The following SMIM36 variants were observed in gnomAD, a reference collection of about 807,000 sequenced individuals.
The protein encoded by SMIM36 is small integral membrane protein 36.
At chr17:55,496,395 T>C (rs530350303) in intron 1 of SMIM36, among the ~76,000 whole-genome samples, 1 of 152,128 alleles carries the variant, frequency 6.6e-6, no homozygotes, top group East Asian at 1.9e-4. Flanking sequence ...CAGAGAAGCC[T>C]TGAGAAAAAA....
At chr17:55,501,401 T>TTATATTCTATAATATATAATA (rs1462289068) in intron 1 of SMIM36, among the ~76,000 whole-genome samples, 17 of 18,166 alleles carry the variant, frequency 9.4e-4, no homozygotes, top group South Asian at 2.6e-3. Flanking sequence ...ATATTATATA[T>TTATATTCTATAATATATAATA]TATTATATAT....
chr17:55,494,738 T>C (rs1181340092), intron 1 of SMIM36, among the ~76,000 whole-genome samples: 2 of 152,106 alleles, frequency 1.3e-5, no homozygotes, highest in East Asian at 3.8e-4. Context: ...TATAAGTATA[T>C]ACAAATATAA....
intron 3 of SMIM36, chr17:55,477,170 A>C (rs1909439800): frequency 6.6e-6 from 1 of 152,180 alleles, no homozygotes. Flanking sequence ...ATGGAGCTAG[A>C]CTCTGTCAAA....
At chr17:55,501,401 T>TTA (rs1462289068) in intron 1 of SMIM36, among the ~76,000 whole-genome samples, 2 of 18,178 alleles carry the variant, frequency 1.1e-4, no homozygotes, top group East Asian at 2.4e-3. Context: ...ATATTATATA[T>TTA]TATTATATAT....
the SMIM36 span, among the ~76,000 whole-genome samples, chr17:55,529,066 G>T: frequency 6.6e-6 from 1 of 152,176 alleles, no homozygotes. Context: ...GATTCCTTCA[G>T]ATGTTTGTTC....
At chr17:55,524,871 T>C in the SMIM36 span, among the ~76,000 whole-genome samples, 20 of 152,352 alleles carry the variant, frequency 1.3e-4, no homozygotes, top group South Asian at 3.5e-3. Flanking sequence ...ATTGTCATCA[T>C]CATAATTCAC....
chr17:55,490,469 A>G (rs1909683092), intron 1 of SMIM36, among the ~76,000 whole-genome samples: 1 of 152,172 alleles, frequency 6.6e-6, no homozygotes, highest in Admixed American at 6.5e-5. Context: ...CTCATGTTCT[A>G]AAGAATAATT....
upstream of SMIM36, among the ~76,000 whole-genome samples, chr17:55,513,916 G>C (rs1475089496): frequency 1.3e-5 from 2 of 152,184 alleles, no homozygotes; most frequent in African/African-American, 4.8e-5. Flanking sequence ...CCATTCTGCT[G>C]ATACCCGTGG....
intron 3 of SMIM36, among the ~76,000 whole-genome samples, chr17:55,474,002 T>C (rs1174419948): frequency 6.6e-6 from 1 of 152,154 alleles, no homozygotes; most frequent in Non-Finnish European, 1.5e-5. Flanking sequence ...TGTTCTGTTC[T>C]AATTACCAGT....
intron 1 of SMIM36, among the ~76,000 whole-genome samples, chr17:55,486,029 T>C (rs1000973440): frequency 7.1e-6 from 1 of 140,122 alleles, no homozygotes; most frequent in Non-Finnish European, 1.5e-5. Context: ...CTTTTTTTTT[T>C]TTCCTTTATT....
upstream of SMIM36, among the ~76,000 whole-genome samples, chr17:55,515,394 G>A (rs868239391): frequency 7.2e-5 from 11 of 152,116 alleles, no homozygotes; most frequent in African/African-American, 2.2e-4. Context: ...CAACTTAAAA[G>A]TCTTTCTTTC....
chr17:55,495,615 C>G (rs74328307), intron 1 of SMIM36, among the ~76,000 whole-genome samples: 8 of 147,514 alleles, frequency 5.4e-5, no homozygotes, highest in African/African-American at 2.1e-4. Context: ...TAGTGAGAAC[C>G]CTGTCTCTAT....
intron 1 of SMIM36, among the ~76,000 whole-genome samples, chr17:55,505,609 A>G (rs1404158196): frequency 1.5e-5 from 1 of 68,070 alleles, no homozygotes; most frequent in Non-Finnish European, 2.3e-5. Context: ...ACAAACCCAC[A>G]GCCAATATCA....
chr17:55,530,101 C>A, the SMIM36 span, among the ~76,000 whole-genome samples: 2 of 152,192 alleles, frequency 1.3e-5, no homozygotes, highest in Non-Finnish European at 1.5e-5. Flanking sequence ...AAAGTTTGAT[C>A]TGAAAACAAC....
intron 1 of SMIM36, among the ~76,000 whole-genome samples, chr17:55,484,304 C>T (rs889640194): frequency 5.3e-5 from 8 of 152,154 alleles, no homozygotes; most frequent in South Asian, 2.1e-4. Flanking sequence ...CAAGCCCTAA[C>T]TGAGAAGGGA....
At chr17:55,514,500 A>G (rs1910233443), upstream of SMIM36, among the ~76,000 whole-genome samples, 1 of 152,240 alleles carries the variant, frequency 6.6e-6, no homozygotes, top group Non-Finnish European at 1.5e-5. Context: ...AAATGAGAAA[A>G]TTGAAGCTTA....
intron 1 of SMIM36, among the ~76,000 whole-genome samples, chr17:55,488,975 A>C (rs1457817577): frequency 6.6e-6 from 1 of 152,182 alleles, no homozygotes; most frequent in Non-Finnish European, 1.5e-5. Flanking sequence ...GCAAATATCC[A>C]AGCATTTTAT....
intron 3 of SMIM36, among the ~76,000 whole-genome samples, 191 bp from the exon 4 acceptor site, chr17:55,467,519 C>A (rs1156418510): frequency 6.6e-6 from 1 of 152,022 alleles, no homozygotes; most frequent in Non-Finnish European, 1.5e-5. Context: ...GCCTCAGCCT[C>A]CCAAGTAGCT....
chr17:55,471,217 C>G (rs1019517051), intron 3 of SMIM36, among the ~76,000 whole-genome samples: 8 of 152,188 alleles, frequency 5.3e-5, no homozygotes, highest in Non-Finnish European at 2.9e-5. Flanking sequence ...GCTTCAGGGA[C>G]AGGCCACACT....
Sources: allele counts gnomAD v4.1 joint callset (sites outside exome capture counted in the v4.1 genomes callset), GRCh38; gene constraint gnomAD v4.1.1; transcripts MANE v1.5; gene names NCBI Gene and HGNC (gene_info 2026-07-23, HGNC 2026-07-21).